Variants in RAI2 observed in about 807,000 individuals in gnomAD.
RAI2 encodes retinoic acid induced 2.
Under a neutral mutation model 15.3 loss-of-function variants are expected in RAI2, and 5 were observed. The observed-to-expected ratio is 0.33, with a 90% confidence interval of 0.17 to 0.69. The LOEUF (loss-of-function observed/expected upper bound fraction) is 0.69. Among genes scored for constraint, RAI2 ranks in the 30% least tolerant of loss-of-function variants. The probability of loss-of-function intolerance (pLI) is 0.69; values close to 1 mark genes in which losing one functional copy is unlikely to be tolerated. For missense variants in RAI2, 424 were observed against 424.7 expected (o/e 1.00, Z 0.01); for synonymous variants, 191 against 184.0 (o/e 1.04, Z -0.31).
At chrX:17,824,579 A>G (rs764417509) in intron 1 of RAI2, among the ~76,000 whole-genome samples, 55 of 111,622 alleles carry the variant, frequency 4.9e-4, no homozygotes, top group South Asian at 1.1e-3. Flanking sequence ...ACAGTAAGGC[A>G]GAGTCCAATG....
At chrX:17,848,157 G>A (rs1253542599) in intron 1 of RAI2, among the ~76,000 whole-genome samples, 4 of 110,850 alleles carry the variant, frequency 3.6e-5, no homozygotes, top group African/African-American at 1.3e-4. Context: ...AGGAGCCAAG[G>A]AGGGCTGGAC....
chrX:17,800,355 T>C lies in RAI2; in HGVS notation c.*63A>G. 1 of 1,110,998 alleles carries C rather than the reference T, an allele frequency of 9.0e-7. No homozygotes were observed. Among genetic ancestry groups the C allele is most frequent in the Non-Finnish European group, 1.2e-6 (1 of 840,135 alleles). 91.6% of individuals were successfully genotyped at this position (1,110,998 alleles called of 1,213,427 possible). A position where few individuals can be genotyped will look rare whatever the true frequency, so the allele number is the denominator to read the frequency against. ...ACAAAGATAATTTGTTTTAAATGCC[T>C]TTTTATAAAACCAATGCACCTTTCC... On this transcript the variant is annotated 3_prime_UTR_variant, in exon 2 of 2. Transcript: ENST00000451717.
intron 1 of RAI2, among the ~76,000 whole-genome samples, chrX:17,852,443 C>T (rs1240290793): frequency 8.9e-6 from 1 of 111,952 alleles, no homozygotes; most frequent in Non-Finnish European, 1.9e-5. Flanking sequence ...AACAACTGCC[C>T]CTATCCTTCA....
intron 1 of RAI2, among the ~76,000 whole-genome samples, chrX:17,806,335 G>C (rs1434444941): frequency 8.9e-6 from 1 of 112,060 alleles, no homozygotes; most frequent in African/African-American, 3.2e-5. Flanking sequence ...AGAGGTGACA[G>C]GGAACATTTC....
intron 1 of RAI2, among the ~76,000 whole-genome samples, chrX:17,832,315 G>T (rs1569351657): frequency 9.0e-6 from 1 of 111,534 alleles, no homozygotes; most frequent in African/African-American, 3.3e-5. Flanking sequence ...TTAAACAACT[G>T]ATCTCTTTTC....
intron 1 of RAI2, among the ~76,000 whole-genome samples, chrX:17,839,338 A>G (rs2147263441): frequency 8.9e-6 from 1 of 112,217 alleles, no homozygotes. Flanking sequence ...AGTGTGGAAC[A>G]GTGTCCATCC....
At chrX:17,841,727 A>G (rs937972100) in intron 1 of RAI2, among the ~76,000 whole-genome samples, 1 of 112,137 alleles carries the variant, frequency 8.9e-6, no homozygotes, top group Non-Finnish European at 1.9e-5. Flanking sequence ...GTCGTGGGGG[A>G]GTCAGCTGTG....
chrX:17,805,774 G>A (rs753140698), intron 1 of RAI2, among the ~76,000 whole-genome samples: 2 of 112,535 alleles, frequency 1.8e-5, no homozygotes, highest in East Asian at 5.6e-4. Context: ...AAGCAGGCCT[G>A]AGAGTAGCCC....
chrX:17,836,113 A>C (rs2147258578), intron 1 of RAI2, among the ~76,000 whole-genome samples: 1 of 110,867 alleles, frequency 9.0e-6, no homozygotes, highest in South Asian at 3.9e-4. Context: ...CTGTATCTTA[A>C]ATGATTCCAT....
At chrX:17,830,968 C>T (rs1176223028) in intron 1 of RAI2, among the ~76,000 whole-genome samples, 1 of 112,181 alleles carries the variant, frequency 8.9e-6, no homozygotes, top group African/African-American at 3.2e-5. Context: ...ATTTCTAACA[C>T]ATGATGAAAA....
At chrX:17,825,565 T>C (rs1319278335) in intron 1 of RAI2, among the ~76,000 whole-genome samples, 8 of 112,449 alleles carry the variant, frequency 7.1e-5, no homozygotes, top group African/African-American at 2.3e-4. Flanking sequence ...GCAATGAACA[T>C]GGGTCATGAA....
At chrX:17,809,907 A>T (rs1461159865) in intron 1 of RAI2, among the ~76,000 whole-genome samples, 1 of 111,343 alleles carries the variant, frequency 9.0e-6, no homozygotes, top group Non-Finnish European at 1.9e-5. Flanking sequence ...AGCTGGGACT[A>T]CAGGTGTGTG....
chrX:17,860,030 G>T (rs1156746409), intron 1 of RAI2, among the ~76,000 whole-genome samples: 1 of 111,994 alleles, frequency 8.9e-6, no homozygotes, highest in Non-Finnish European at 1.9e-5. Context: ...TAAAAGTTTG[G>T]CAGGCAGAAA....
intron 1 of RAI2, among the ~76,000 whole-genome samples, chrX:17,830,844 G>C (rs867245724): frequency 4.5e-5 from 5 of 111,758 alleles, no homozygotes; most frequent in African/African-American, 1.3e-4. Context: ...AGGTAAGTTG[G>C]GCATTGATTC....
intron 1 of RAI2, among the ~76,000 whole-genome samples, chrX:17,852,837 A>G (rs1343491976): frequency 8.9e-6 from 1 of 111,919 alleles, no homozygotes; most frequent in Non-Finnish European, 1.9e-5. Flanking sequence ...CTGAATTTCA[A>G]TCATTACGAA....
At chrX:17,858,229 A>T (rs762375813) in intron 1 of RAI2, among the ~76,000 whole-genome samples, 1 of 112,055 alleles carries the variant, frequency 8.9e-6, no homozygotes, top group Admixed American at 9.4e-5. Context: ...CCTTTAAATC[A>T]TAACCACCAA....
intron 1 of RAI2, among the ~76,000 whole-genome samples, chrX:17,831,833 C>T (rs911301213): frequency 8.9e-6 from 1 of 112,332 alleles, no homozygotes; most frequent in Non-Finnish European, 1.9e-5. Context: ...GTTATGAGTG[C>T]ATCAGAGTTT....
At chrX:17,833,476 C>G (rs1186311920) in intron 1 of RAI2, among the ~76,000 whole-genome samples, 1 of 111,981 alleles carries the variant, frequency 8.9e-6, no homozygotes, top group East Asian at 2.8e-4. Flanking sequence ...AAGCTGAGAT[C>G]ATGCCACTGC....
chrX:17,820,613 G>C (rs1386255830), intron 1 of RAI2, among the ~76,000 whole-genome samples: 1 of 112,123 alleles, frequency 8.9e-6, no homozygotes, highest in African/African-American at 3.2e-5. Flanking sequence ...CTATGGCACA[G>C]GAATGAGCTT....
Sources: allele counts gnomAD v4.1 joint callset (sites outside exome capture counted in the v4.1 genomes callset), GRCh38; gene constraint gnomAD v4.1.1; transcripts MANE v1.5; gene names NCBI Gene and HGNC (gene_info 2026-07-23, HGNC 2026-07-21).